The following PHF2 variants were observed in gnomAD, a reference collection of about 807,000 sequenced individuals.
PHF2 encodes the protein PHD finger protein 2.
A neutral mutation model predicts 120.5 loss-of-function variants in PHF2; 27 were observed. The ratio of observed to expected loss-of-function variants is 0.22; its 90% CI spans 0.17 to 0.31. PHF2 has a LOEUF of 0.31. Ranked by LOEUF, PHF2 falls within the 10% of genes least tolerant of loss-of-function variation. The pLI, the probability that PHF2 is intolerant of heterozygous loss-of-function variation, is 1.00. For synonymous variants in PHF2, 568 were observed against 592.5 expected, an observed-to-expected ratio of 0.96 and a Z score of 0.60; for missense variants, 1,024 against 1,434.8, an observed-to-expected ratio of 0.71 and a Z score of 4.63.
At chr9:93,651,386 A>C (rs1003811936) in intron 5 of PHF2, among the ~76,000 whole-genome samples, 1 of 152,122 alleles carries the variant, frequency 6.6e-6, no homozygotes, top group African/African-American at 2.4e-5. Context: ...TCCTGTTTCC[A>C]CTGGCCCAGT....
At chr9:93,653,916 G>T (rs1826413323) in intron 6 of PHF2, among the ~76,000 whole-genome samples, 1 of 152,322 alleles carries the variant, frequency 6.6e-6, no homozygotes, top group Admixed American at 6.5e-5. Context: ...TGCACATGCT[G>T]ATCCCACCTC....
intron 1 of PHF2, among the ~76,000 whole-genome samples, chr9:93,600,492 C>T (rs1230159601): frequency 6.6e-6 from 1 of 152,208 alleles, no homozygotes; most frequent in Non-Finnish European, 1.5e-5. Flanking sequence ...TGTGGGACAG[C>T]TTTGCAAGCT....
intron 1 of PHF2, among the ~76,000 whole-genome samples, chr9:93,610,387 T>G (rs1418050455): frequency 1.3e-5 from 2 of 152,230 alleles, no homozygotes; most frequent in South Asian, 4.1e-4. Context: ...GGTCTATTGA[T>G]GAGCCCTTCA....
At chr9:93,614,692 T>C (rs1190877991) in intron 1 of PHF2, among the ~76,000 whole-genome samples, 3 of 152,180 alleles carry the variant, frequency 2.0e-5, no homozygotes, top group Non-Finnish European at 4.4e-5. Flanking sequence ...TTTCTGTCCA[T>C]GGAGTGTTGC....
intron 1 of PHF2, among the ~76,000 whole-genome samples, chr9:93,621,499 G>A (rs72745495): frequency 6.6e-6 from 1 of 152,226 alleles, no homozygotes; most frequent in Non-Finnish European, 1.5e-5. Context: ...GTGCTGGAAG[G>A]AGGAAGCCCA....
In PHF2 at chr9:93,660,554, G is replaced by A. The variant is rs761242605; in HGVS notation, c.1692G>A (p.Lys564=). ...TGACCAAGATGGAGCCGCCCAAGAA[G>A]GGCAAGGTGGGACCCCCTCACCCTG... ...EALTKMEPPK[K]GKATKSVLSV... Residue 564 remains lysine (K), a synonymous_variant, in exon 12 of 22, where the codon AAG becomes AAA. Coordinates refer to ENST00000359246, the MANE Select transcript of PHF2 (RefSeq NM_005392.4). 22 of 1,556,790 alleles carry A rather than the reference G, an allele frequency of 1.4e-5. 1 individual carries two copies. In the South Asian group the frequency reaches 2.6e-4, roughly 19 times the overall value.
chr9:93,655,910 C>T (rs1432170164), intron 7 of PHF2, 24 bp from the exon 8 acceptor site: 1 of 1,585,556 alleles, frequency 6.3e-7, no homozygotes, highest in Admixed American at 1.7e-5. Context: ...GGTGGGGCAC[C>T]AGCCACTCCT....
chr9:93,665,936 G>GTGGC, intron 15 of PHF2, 54 bp from the exon 16 acceptor site: 1 of 1,612,124 alleles, frequency 6.2e-7, no homozygotes. Flanking sequence ...TCTTCCCAGG[G>GTGGC]TGGCTGGCTC....
chr9:93,660,375 A>C lies in PHF2; in HGVS notation c.1513A>C (p.Ile505Leu). The C allele has an allele frequency of 6.4e-7, 1 of 1,565,310 alleles. No individual in the cohort carries two copies. Among genetic ancestry groups the C allele is most frequent in the Non-Finnish European group, 8.7e-7 (1 of 1,154,788 alleles). Residue 505 changes from isoleucine (I) to leucine (L), a missense_variant, in exon 12 of 22, where the codon ATC becomes CTC. By Grantham distance (5) the Ile-to-Leu change is conservative (BLOSUM62 2). Transcript: ENST00000359246. ...TGTGAAGATGCCCAAGCCATCCAAA[A>C]TCCCCAAGCCCCCGAAGCCCCCTAA... ...KTVKMPKPSK[I>L]PKPPKPPKPP... is the part of the protein sequence containing the mutation.
At chr9:93,628,336 A>G (rs1427703458) in intron 1 of PHF2, among the ~76,000 whole-genome samples, 1 of 152,186 alleles carries the variant, frequency 6.6e-6, no homozygotes, top group Non-Finnish European at 1.5e-5. Context: ...GTTTGATAGA[A>G]TTCACTAGTG....
chr9:93,664,741 C>A (rs2118028565), intron 14 of PHF2, among the ~76,000 whole-genome samples: 1 of 152,346 alleles, frequency 6.6e-6, no homozygotes, highest in African/African-American at 2.4e-5. Flanking sequence ...TTCTAGGTTC[C>A]TGGGAAGCTA....
At chr9:93,672,582 G>A (rs2118119338) in intron 17 of PHF2, 1 of 984,716 alleles carries the variant, frequency 1.0e-6, no homozygotes. Context: ...GTAGGTGTAG[G>A]CACCAGTGTA....
At chr9:93,654,031 C>T (rs1210938019) in intron 6 of PHF2, among the ~76,000 whole-genome samples, 2 of 152,136 alleles carry the variant, frequency 1.3e-5, no homozygotes, top group Non-Finnish European at 2.9e-5. Flanking sequence ...CCTCCTGGGG[C>T]CTGCCATAAG....
intron 16 of PHF2, 94 bp downstream of exon 16, chr9:93,666,154 G>A: frequency 7.4e-7 from 1 of 1,343,836 alleles, no homozygotes; most frequent in Non-Finnish European, 1.0e-6. Flanking sequence ...GGTCTCTGGG[G>A]GTGTTTCTGC....
At chr9:93,666,298 G>A (rs75520436) in intron 16 of PHF2, among the ~76,000 whole-genome samples, 2,290 of 152,296 alleles carry the variant, frequency 0.015, 46 homozygotes, top group African/African-American at 0.049. Context: ...GCCTCCTGCC[G>A]GGGGAGGTTA....
intron 1 of PHF2, among the ~76,000 whole-genome samples, chr9:93,578,329 G>A (rs993135814): frequency 4.6e-5 from 7 of 152,146 alleles, no homozygotes; most frequent in Admixed American, 1.3e-4. Context: ...TGAACACCGG[G>A]CTCTGCCCAG....
At chr9:93,601,799 C>A (rs1030788584) in intron 1 of PHF2, among the ~76,000 whole-genome samples, 1 of 152,030 alleles carries the variant, frequency 6.6e-6, no homozygotes, top group Non-Finnish European at 1.5e-5. Context: ...TGGAGCTCCA[C>A]GGGCAGAGCA....
chr9:93,656,064 G>GCGTCCTCCCTCTAGCTGGGT lies in PHF2; in HGVS notation c.1040+46_1040+65dup, dbSNP rs1300946358. ...GTCTGCCCTCGGGCTCCGCAGAGCA[G>GCGTCCTCCCTCTAGCTGGGT]CGTCCTCCCTCTAGCTGGGTCGGTG... On this transcript the variant is annotated intron_variant, in intron 8 of 21. Coordinates refer to ENST00000359246, the MANE Select transcript of PHF2 (RefSeq NM_005392.4). The surrounding 1 kb of genome is among the most constrained non-coding windows in gnomAD (Gnocchi z 4.1). 2.0e-6 allele frequency: 3 copies of GCGTCCTCCCTCTAGCTGGGT among 1,534,798 alleles called. No individual in the cohort carries two copies. Among genetic ancestry groups the GCGTCCTCCCTCTAGCTGGGT allele is most frequent in the Non-Finnish European group, 2.7e-6 (3 of 1,120,262 alleles).
chr9:93,677,525 A>C lies in PHF2; in HGVS notation c.3203-63A>C. The C allele has an allele frequency of 1.6e-6, 2 of 1,247,858 alleles. No homozygotes were observed. The highest frequency in any genetic ancestry group is 1.2e-5 in the South Asian group (1 of 80,238). 77.3% of individuals were successfully genotyped at this position (1,247,858 alleles called of 1,614,324 possible). ...CAGCGGGACCCTCCCCCCCACCGGC[A>C]TGCCACGCCCCTTGCCATCTAGCTT... On this transcript the variant is annotated intron_variant, in intron 21 of 21. Transcript: ENST00000359246. This position sits in a 1 kb window ranked among gnomAD's most constrained non-coding sequence, Gnocchi z 4.4.
Sources: gnomAD v4.1 joint callset for allele counts (sites outside exome capture counted in the v4.1 genomes callset) on GRCh38, gnomAD v4.1.1 for gene constraint, Gnocchi (gnomAD v3.1) non-coding constraint, MANE v1.5 for transcripts, NCBI Gene and HGNC (gene_info 2026-07-23, HGNC 2026-07-21) for gene names.